Variants in PIGK observed in about 807,000 individuals in gnomAD.
PIGK encodes the protein phosphatidylinositol glycan anchor biosynthesis class K, also known as GPI-anchor transamidase.
A neutral mutation model predicts 50.6 loss-of-function variants in PIGK; 42 were observed. The ratio of observed to expected loss-of-function variants is 0.83; its 90% CI spans 0.65 to 1.07. The LOEUF is 1.07. Ranked by LOEUF, PIGK falls within the 50% of genes least tolerant of loss-of-function variation. The pLI is 0.00. For synonymous variants in PIGK, 151 were observed against 156.0 expected, an observed-to-expected ratio of 0.97 and a Z score of 0.24; for missense variants, 448 against 488.7, an observed-to-expected ratio of 0.92 and a Z score of 0.78.
Position 77,094,703 on chromosome 1 carries a change from T to C in PIGK, c.1072-2213A>G, listed in dbSNP as rs1424256134. Among the ~76,000 whole-genome samples, 3 of 152,030 alleles carry C rather than the reference T, an allele frequency of 2.0e-5. No homozygotes were observed. The South Asian group carries it at 6.2e-4, about 31-fold the overall frequency. ...AGAGATAAGACAACTATGGAAAAAA[T>C]AGCATCTTTGAAAGTAACTATCATT... On this transcript the variant is annotated intron_variant, in intron 10 of 10. Coordinates refer to ENST00000370812, the MANE Select transcript of PIGK (RefSeq NM_005482.3).
At chr1:77,145,359 A>G (rs1654745619) in intron 9 of PIGK, among the ~76,000 whole-genome samples, 1 of 152,002 alleles carries the variant, frequency 6.6e-6, no homozygotes, top group Non-Finnish European at 1.5e-5. Context: ...TTTGATTGGA[A>G]TTGGGTTGAC....
intron 3 of PIGK, among the ~76,000 whole-genome samples, chr1:77,172,855 T>C (rs839805): frequency 0.99 from 150,062 of 152,142 alleles, 74,032 homozygotes; most frequent in Middle Eastern, 1. Context: ...ACCTGGGAGG[T>C]GGAGATTGCA....
At chr1:77,189,647 G>T (rs1655836433) in intron 3 of PIGK, among the ~76,000 whole-genome samples, 1 of 145,412 alleles carries the variant, frequency 6.9e-6, no homozygotes, top group Non-Finnish European at 1.5e-5. Flanking sequence ...TCAGCTTGCA[G>T]ACAGCCTATT....
intron 3 of PIGK, among the ~76,000 whole-genome samples, chr1:77,205,209 T>C (rs1261956647): frequency 6.6e-6 from 1 of 152,016 alleles, no homozygotes; most frequent in Non-Finnish European, 1.5e-5. Flanking sequence ...GCATAGTGAT[T>C]CTCTAGAAGA....
intron 3 of PIGK, among the ~76,000 whole-genome samples, chr1:77,191,288 TAC>T (rs1655897881): frequency 6.6e-6 from 1 of 152,262 alleles, no homozygotes; most frequent in African/African-American, 2.4e-5. Context: ...ATACATTGCA[TAC>T]AGTCTATCAT....
intron 1 of PIGK, among the ~76,000 whole-genome samples, chr1:77,218,165 T>C (rs1442225777): frequency 6.6e-6 from 1 of 152,154 alleles, no homozygotes; most frequent in East Asian, 1.9e-4. Context: ...GGTTCCAATA[T>C]GGAACACTGG....
At chr1:77,137,792 C>T (rs35221798) in intron 9 of PIGK, among the ~76,000 whole-genome samples, 17,576 of 151,950 alleles carry the variant, frequency 0.12, 1,393 homozygotes, top group African/African-American at 0.22. Context: ...TTAGTAGAGA[C>T]GGGGTTTCAC....
chr1:77,186,870 T>C (rs2100572837), intron 3 of PIGK, among the ~76,000 whole-genome samples: 1 of 152,282 alleles, frequency 6.6e-6, no homozygotes, highest in Middle Eastern at 3.4e-3. Flanking sequence ...TCGGCATGAT[T>C]AGGCAGCTAC....
At position 77,169,376 on chromosome 1, in the gene PIGK, C is replaced by G. The variant is rs1655305867; in HGVS notation, c.259G>C (p.Ala87Pro). The G allele has an allele frequency of 1.2e-6, 2 of 1,603,272 alleles. No individual in the cohort carries two copies. Among genetic ancestry groups the G allele is most frequent in the South Asian group, 1.1e-5 (1 of 88,814 alleles). The change falls in exon 4 of 11, where the codon GCA becomes CCA. Residue 87 changes from alanine (A) to proline (P), a missense_variant. Ala to Pro is a conservative substitution (Grantham distance 27). Transcript: ENST00000370812. ...IPDSHIVLMLADDMACNPRNP... is the reference protein window; with the variant it reads ...IPDSHIVLMLPDDMACNPRNP... ...CTAGGATTACAGGCCATATCATCTG[C>G]AAGCATTAGGACAATGTGACTAGGG...
intron 3 of PIGK, among the ~76,000 whole-genome samples, chr1:77,189,452 A>G (rs1655832478): frequency 6.6e-6 from 1 of 151,984 alleles, no homozygotes; most frequent in African/African-American, 2.4e-5. Context: ...CCCACCTTTA[A>G]CCTGGGTTAG....
intron 3 of PIGK, among the ~76,000 whole-genome samples, chr1:77,176,346 C>G (rs1014279075): frequency 2.6e-5 from 4 of 152,060 alleles, no homozygotes; most frequent in African/African-American, 4.8e-5. Flanking sequence ...ATTTGGGAAG[C>G]ACTGTAAAAA....
Position 77,210,468 on chromosome 1 carries a change from TA to T in PIGK, c.114del (p.Phe38LeufsTer38). On this transcript the variant is annotated frameshift_variant, in exon 2 of 11. Transcript: ENST00000370812. LOFTEE classifies it high-confidence loss of function. ...SHIEDQAEQF[F>X]RSGHTNNWAV... ...GCCCAGTTGTTTGTATGGCCACTTC[TA>T]AAGAATTGTTCTGCTTGATCCTAAA... 2 of 1,593,816 alleles carry T rather than the reference TA, an allele frequency of 1.3e-6. No individual in the cohort carries two copies. The highest frequency in any genetic ancestry group is 1.7e-6 in the Non-Finnish European group (2 of 1,167,070).
intron 1 of PIGK, among the ~76,000 whole-genome samples, chr1:77,215,811 T>C (rs561746382): frequency 6.6e-6 from 1 of 152,234 alleles, no homozygotes; most frequent in East Asian, 1.9e-4. Context: ...CTGGAGGAAA[T>C]TACATTAAGT....
At chr1:77,135,568 CTAT>C (rs768279413) in intron 9 of PIGK, among the ~76,000 whole-genome samples, 7 of 151,842 alleles carry the variant, frequency 4.6e-5, no homozygotes, top group East Asian at 1.9e-4. Flanking sequence ...TTGTTATAAA[CTAT>C]TATTATTCAC....
chr1:77,176,058 A>T (rs950671366), intron 3 of PIGK, among the ~76,000 whole-genome samples: 3 of 152,160 alleles, frequency 2.0e-5, no homozygotes, highest in African/African-American at 7.2e-5. Flanking sequence ...GAAGGGAAAG[A>T]CAAAAGACAG....
intron 10 of PIGK, among the ~76,000 whole-genome samples, chr1:77,100,218 T>C (rs920106083): frequency 3.9e-5 from 6 of 152,212 alleles, no homozygotes; most frequent in African/African-American, 1.4e-4. Context: ...GATTCTTAAA[T>C]GTATAATGAG....
intron 3 of PIGK, among the ~76,000 whole-genome samples, chr1:77,186,266 T>C (rs990034248): frequency 1.5e-4 from 23 of 152,192 alleles, no homozygotes; most frequent in Admixed American, 1.0e-3. Context: ...GCACAATATG[T>C]GGGCACCACC....
Position 77,166,727 on chromosome 1 carries a change from TA to T in PIGK, c.478del (p.Tyr160IlefsTer2), listed in dbSNP as rs751315790. 6.7e-7 allele frequency: 1 copy of T among 1,493,794 alleles called. No individual in the cohort carries two copies. Among genetic ancestry groups the T allele is most frequent in the South Asian group, 1.2e-5 (1 of 83,624 alleles). The allele number at this position is 1,493,794 out of a possible 1,614,324, so 92.5% of individuals were successfully genotyped here. On this transcript the variant is annotated frameshift_variant, in exon 5 of 11. Transcript: ENST00000370812. LOFTEE classifies it high-confidence loss of function. The stretch of plus-strand genomic sequence containing the variant: ...CTAAATTATGAAATTACCTGTCATA[TA>T]AATTAGAATATTGCTTCTGTCATCA... Reference protein sequence around the residue: ...LSDDRSNILIYMTGHGGNGFL... With the variant: ...LSDDRSNILIXMTGHGGNGFL...
At chr1:77,186,007 T>C (rs1217596285) in intron 3 of PIGK, among the ~76,000 whole-genome samples, 1 of 152,146 alleles carries the variant, frequency 6.6e-6, no homozygotes, top group Non-Finnish European at 1.5e-5. Context: ...TTCTGACCCA[T>C]CCAGCCATAA....
Sources: gnomAD v4.1 joint callset for allele counts (sites outside exome capture counted in the v4.1 genomes callset) on GRCh38, gnomAD v4.1.1 for gene constraint, MANE v1.5 for transcripts, NCBI Gene and HGNC (gene_info 2026-07-23, HGNC 2026-07-21) for gene names.